Variants in KIF26B observed in about 807,000 individuals in gnomAD.
KIF26B encodes kinesin family member 26B, also known as kinesin-like protein KIF26B.
A neutral mutation model predicts 151.2 loss-of-function variants in KIF26B; 63 were observed. The ratio of observed to expected loss-of-function variants is 0.42; its 90% confidence interval spans 0.34 to 0.51. KIF26B has a LOEUF of 0.51. KIF26B is among the 20% of genes least tolerant of loss of function. The pLI, the probability that KIF26B is intolerant of heterozygous loss-of-function variation, is 0.07. For synonymous variants in KIF26B, 1,357 were observed against 1,262.1 expected (o/e 1.08, Z -1.59); for missense variants, 2,813 against 2,913.6 (o/e 0.97, Z 0.79).
chr1:245,622,614 T>C (rs984199016), intron 9 of KIF26B, among the ~76,000 whole-genome samples: 6 of 152,346 alleles, frequency 3.9e-5, no homozygotes, highest in Admixed American at 3.9e-4. Flanking sequence ...CCCAAATTAC[T>C]TGGCCTCCAC....
At chr1:245,460,535 G>A (rs1659624012) in intron 4 of KIF26B, among the ~76,000 whole-genome samples, 1 of 152,160 alleles carries the variant, frequency 6.6e-6, no homozygotes, top group South Asian at 2.1e-4. Flanking sequence ...TACCACCCTA[G>A]CCTTTGCAGA....
chr1:245,653,417 C>T lies in KIF26B; in HGVS notation c.2258+7137C>T, dbSNP rs548624770. Among the ~76,000 whole-genome samples, 6 of 152,262 alleles carry T rather than the reference C, an allele frequency of 3.9e-5. No individual in the cohort carries two copies. In the South Asian group the frequency reaches 8.3e-4, roughly 21 times the overall value. ...TTAGCACGGTGCATAAATGAGCCCC[C>T]GGTGAGAGTATTTCCCATCGTGAGC... is the stretch of plus-strand genomic sequence containing the variant. On this transcript the variant is annotated intron_variant, in intron 10 of 14. Transcript: ENST00000407071.
chr1:245,240,619 G>A (rs940557254), intron 2 of KIF26B, among the ~76,000 whole-genome samples: 6 of 152,180 alleles, frequency 3.9e-5, no homozygotes, highest in African/African-American at 1.2e-4. Flanking sequence ...GAGGGGGCTC[G>A]TGATATATTA....
Position 245,459,738 on chromosome 1 carries a change from G to A in KIF26B, c.1166+39993G>A, listed in dbSNP as rs139072703. On this transcript the variant is annotated intron_variant, in intron 4 of 14. Transcript: ENST00000407071. Reference sequence around the variant, plus strand: ...AAGTTCTCAAGCAGCAAAAACAGAGGCACAAAAGTGGATAAAAACCCAATA... The same window carrying A: ...AAGTTCTCAAGCAGCAAAAACAGAGACACAAAAGTGGATAAAAACCCAATA... 1.9e-3 allele frequency among the ~76,000 whole-genome samples: 284 copies of A among 152,214 alleles called. 1 individual carries two copies. The highest frequency in any genetic ancestry group is 6.8e-3 in the Middle Eastern group (2 of 294).
intron 2 of KIF26B, among the ~76,000 whole-genome samples, chr1:245,159,725 C>T (rs558407064): frequency 6.6e-6 from 1 of 152,314 alleles, no homozygotes; most frequent in South Asian, 2.1e-4. Flanking sequence ...ATCCCCCGTT[C>T]TGTCTTTGGA....
intron 10 of KIF26B, among the ~76,000 whole-genome samples, chr1:245,677,741 G>A (rs1372023832): frequency 1.3e-5 from 2 of 152,262 alleles, no homozygotes; most frequent in Non-Finnish European, 2.9e-5. Context: ...CATGGACAGC[G>A]AGATCATCAA....
rs77356340 is a variant in KIF26B at position 245,678,970 on chromosome 1, G to A, written c.2259-5263G>A. Among the ~76,000 whole-genome samples, 119 of 152,200 alleles carry A rather than the reference G, an allele frequency of 7.8e-4. 2 individuals carry two copies. In the East Asian group the frequency reaches 0.018, roughly 23 times the overall value. On this transcript the variant is annotated intron_variant, in intron 10 of 14. Coordinates refer to ENST00000407071, the MANE Select transcript of KIF26B (RefSeq NM_018012.4). ...GCCTACAGTTCATGTGCCTGTTTCC[G>A]TTTTTGCTGCTCAAAGCCATGGATT...
chr1:245,439,876 C>T (rs924237031), intron 4 of KIF26B, among the ~76,000 whole-genome samples: 2 of 152,110 alleles, frequency 1.3e-5, no homozygotes, highest in African/African-American at 4.8e-5. Context: ...GTGAAAGGTA[C>T]CACCTTACCC....
At chr1:245,428,188 T>G (rs1254174363) in intron 4 of KIF26B, among the ~76,000 whole-genome samples, 1 of 152,224 alleles carries the variant, frequency 6.6e-6, no homozygotes, top group Non-Finnish European at 1.5e-5. Context: ...TGACAGGTCG[T>G]AGCTTTACTC....
chr1:245,424,919 A>G (rs1350851754), intron 4 of KIF26B, among the ~76,000 whole-genome samples: 1 of 149,896 alleles, frequency 6.7e-6, no homozygotes, highest in Admixed American at 6.7e-5. Flanking sequence ...TCAGAATTTC[A>G]GTACCTTCCC....
In KIF26B at chr1:245,687,368, G is replaced by A. The variant is rs772307980; in HGVS notation, c.4385G>A (p.Arg1462Lys). ...CATCCCAATGAAGAAGGGATGATGAGGTGTGAGACTGCCACGGGCCCCTCG... is the reference window on the plus strand; with the variant it reads ...CATCCCAATGAAGAAGGGATGATGAAGTGTGAGACTGCCACGGGCCCCTCG... ...TAHPNEEGMM[R>K]CETATGPSNA... Residue 1462 changes from arginine to lysine, a missense_variant, in exon 12 of 15, where the codon AGG becomes AAG. Physicochemically the swap from Arg to Lys is conservative, Grantham distance 26. Transcript: ENST00000407071. The surrounding 1 kb of genome is among the most constrained non-coding windows in gnomAD (Gnocchi z 4.9). The A allele has an allele frequency of 2.5e-6, 4 of 1,592,318 alleles. No homozygotes were observed. The African/African-American group carries it at 4.0e-5, about 16-fold the overall frequency.
intron 2 of KIF26B, among the ~76,000 whole-genome samples, chr1:245,248,485 T>C (rs1020992931): frequency 6.6e-6 from 1 of 152,234 alleles, no homozygotes; most frequent in African/African-American, 2.4e-5. Flanking sequence ...GGTTACTTCC[T>C]GAACTTGGGA....
intron 5 of KIF26B, among the ~76,000 whole-genome samples, chr1:245,600,186 C>G (rs1274484133): frequency 1.6e-5 from 1 of 64,312 alleles, no homozygotes; most frequent in Non-Finnish European, 3.2e-5. Context: ...CTACAGGCGC[C>G]CGCCACCATG....
In KIF26B at chr1:245,175,929, T is replaced by TA. The variant is rs1300043832; in HGVS notation, c.465+19246_465+19247insA. Among the ~76,000 whole-genome samples, 3 of 122,744 alleles carry TA rather than the reference T, an allele frequency of 2.4e-5. No individual in the cohort carries two copies. The East Asian group carries it at 6.1e-4, about 25-fold the overall frequency. 80.5% of individuals were successfully genotyped at this position (122,744 alleles called of 152,430 possible). ...ATATATCTATATCTATATCTATATA[T>TA]TTAGATGTCTATATATATAGATATC... On this transcript the variant is annotated intron_variant, in intron 2 of 14. Transcript: ENST00000407071.
intron 2 of KIF26B, among the ~76,000 whole-genome samples, chr1:245,322,273 C>G (rs191125441): frequency 1.3e-5 from 2 of 151,910 alleles, no homozygotes; most frequent in Non-Finnish European, 2.9e-5. Flanking sequence ...CTAATGCATG[C>G]GGGGCTTAAA....
At chr1:245,360,451 A>G (rs1391798954) in intron 2 of KIF26B, among the ~76,000 whole-genome samples, 1 of 152,360 alleles carries the variant, frequency 6.6e-6, no homozygotes, top group East Asian at 1.9e-4. Flanking sequence ...CCACTTATTC[A>G]GCATTTACCA....
intron 2 of KIF26B, among the ~76,000 whole-genome samples, chr1:245,356,254 G>C (rs1290141494): frequency 6.6e-6 from 1 of 152,090 alleles, no homozygotes; most frequent in Non-Finnish European, 1.5e-5. Context: ...AAGCAAAAAG[G>C]GATAAAAATT....
intron 3 of KIF26B, among the ~76,000 whole-genome samples, chr1:245,399,784 T>G (rs1317887169): frequency 1.3e-5 from 2 of 152,216 alleles, no homozygotes; most frequent in South Asian, 2.1e-4. Context: ...CCAATATGCA[T>G]TATTAAATAT....
intron 5 of KIF26B, among the ~76,000 whole-genome samples, chr1:245,541,243 T>C (rs1661615072): frequency 6.6e-6 from 1 of 152,038 alleles, no homozygotes; most frequent in Non-Finnish European, 1.5e-5. Context: ...AGGCACAAAA[T>C]ATCGAGGCAG....
Sources: allele counts gnomAD v4.1 joint callset (sites outside exome capture counted in the v4.1 genomes callset), GRCh38; gene constraint gnomAD v4.1.1; non-coding constraint Gnocchi (gnomAD v3.1); transcripts MANE v1.5; gene names NCBI Gene and HGNC (gene_info 2026-07-23, HGNC 2026-07-21).